Variants in ANKRD17 observed in about 807,000 individuals in gnomAD.
ANKRD17 encodes ankyrin repeat domain 17.
A neutral mutation model predicts 229.7 loss-of-function variants in ANKRD17; 19 were observed. That is an observed-to-expected ratio of 0.08 (90% CI 0.06 to 0.12). ANKRD17 has a LOEUF of 0.12. Ranked by LOEUF, ANKRD17 falls within the 10% of genes least tolerant of loss-of-function variation. The pLI, the probability that ANKRD17 is intolerant of heterozygous loss-of-function variation, is 1.00. For missense variants in ANKRD17, 2,176 were observed against 3,176.8 expected, an observed-to-expected ratio of 0.68 and a Z score of 7.57; for synonymous variants, 1,112 against 1,146.1, an observed-to-expected ratio of 0.97 and a Z score of 0.60.
At chr4:73,253,998 ATAAAT>A (rs1276517543) in intron 1 of ANKRD17, among the ~76,000 whole-genome samples, 4 of 152,232 alleles carry the variant, frequency 2.6e-5, no homozygotes, top group African/African-American at 4.8e-5. Context: ...AGAAGACAAG[ATAAAT>A]TATAATTAAG....
chr4:73,108,417 A>G (rs1046991894), intron 24 of ANKRD17, among the ~76,000 whole-genome samples: 2 of 152,208 alleles, frequency 1.3e-5, no homozygotes, highest in African/African-American at 2.4e-5. Context: ...GGGGCAGGAT[A>G]AGACCACCAG....
At chr4:73,203,498 C>T (rs1165969546) in intron 1 of ANKRD17, among the ~76,000 whole-genome samples, 1 of 152,156 alleles carries the variant, frequency 6.6e-6, no homozygotes, top group African/African-American at 2.4e-5. Context: ...TGGCTCACAC[C>T]TGTAATCCCA....
intron 1 of ANKRD17, among the ~76,000 whole-genome samples, chr4:73,203,030 C>T (rs1738883665): frequency 6.6e-6 from 1 of 151,026 alleles, no homozygotes; most frequent in Non-Finnish European, 1.5e-5. Context: ...TGATCTGTCA[C>T]AGTTAATTTA....
chr4:73,191,953 A>G (rs1452154771), intron 1 of ANKRD17, among the ~76,000 whole-genome samples: 1 of 152,102 alleles, frequency 6.6e-6, no homozygotes, highest in African/African-American at 2.4e-5. Flanking sequence ...AACAGGAAAG[A>G]CTATAAATAA....
At chr4:73,209,023 T>C (rs562303199) in intron 1 of ANKRD17, among the ~76,000 whole-genome samples, 151 of 152,166 alleles carry the variant, frequency 9.9e-4, no homozygotes, top group Non-Finnish European at 1.8e-3. Flanking sequence ...ATGGTCAACA[T>C]GGCGAAACTC....
intron 1 of ANKRD17, among the ~76,000 whole-genome samples, chr4:73,222,311 A>G (rs1021621646): frequency 2.0e-5 from 3 of 152,220 alleles, no homozygotes; most frequent in African/African-American, 7.2e-5. Context: ...ATAGGATCTT[A>G]TAAAATTTTT....
rs941102333 is a variant in ANKRD17, at chr4:73,091,687, G to C, written c.5941C>G (p.Pro1981Ala). 6.2e-7 allele frequency: 1 copy of C among 1,614,196 alleles called. No homozygotes were observed. The highest frequency in any genetic ancestry group is 8.5e-7 in the Non-Finnish European group (1 of 1,180,026). ...TTTSSSASTV[P>A]GTSTNGSPSS... ...GGACTGCCATTTGTAGATGTACCAG[G>C]CACCGTTGAAGCTGATGAACTGGTT... The change falls in exon 29 of 34, where the codon CCT (proline) becomes GCT (alanine). Residue 1981 changes from proline to alanine, a missense_variant. Pro to Ala is a conservative substitution (Grantham distance 27). Transcript: ENST00000358602.
chr4:73,097,525 C>T (rs527238108), intron 26 of ANKRD17, among the ~76,000 whole-genome samples: 51 of 151,178 alleles, frequency 3.4e-4, no homozygotes, highest in Non-Finnish European at 4.7e-4. Context: ...GCCTTGAGCT[C>T]TCGGGTTCAG....
intron 16 of ANKRD17, among the ~76,000 whole-genome samples, chr4:73,128,526 G>C (rs1294015928): frequency 6.6e-6 from 1 of 152,084 alleles, no homozygotes; most frequent in Non-Finnish European, 1.5e-5. Flanking sequence ...TCAGTAAAAT[G>C]TTTTTTCCAA....
chr4:73,088,108 T>C (rs1722389462), intron 29 of ANKRD17, among the ~76,000 whole-genome samples: 1 of 152,204 alleles, frequency 6.6e-6, no homozygotes, highest in Admixed American at 6.5e-5. Context: ...TAGATCTTTA[T>C]GTGACTTAAA....
At chr4:73,099,074 G>A (rs1723634979) in intron 25 of ANKRD17, 2 of 913,276 alleles carry the variant, frequency 2.2e-6, no homozygotes, top group South Asian at 2.6e-5. Flanking sequence ...GAAACCAAGG[G>A]GCAGACCCAA....
chr4:73,223,201 T>G (rs1742090583), intron 1 of ANKRD17: 1 of 518,018 alleles, frequency 1.9e-6, no homozygotes, highest in Admixed American at 4.0e-5. Context: ...ACTCACTGTG[T>G]ATTTTTTAAA....
Position 73,090,731 on chromosome 4 carries a change from C to T in ANKRD17, c.6897G>A (p.Gln2299=). The change falls in exon 29 of 34, where the codon CAG becomes CAA. Residue 2299 remains glutamine (Q), a synonymous_variant. Coordinates refer to ENST00000358602, the MANE Select transcript of ANKRD17 (RefSeq NM_032217.5). The part of the protein sequence containing the change: ...SYLPNSDPLH[Q]SDTSKAPGFR... ...AACCTGGAGCTTTGGAAGTATCAGACTGATGTAAAGGATCTGAATTTGGCA... is the reference window on the plus strand; with the variant it reads ...AACCTGGAGCTTTGGAAGTATCAGATTGATGTAAAGGATCTGAATTTGGCA... The T allele has an allele frequency of 6.2e-7, 1 of 1,614,170 alleles. No individual in the cohort carries two copies. Among genetic ancestry groups the T allele is most frequent in the Non-Finnish European group, 8.5e-7 (1 of 1,180,024 alleles).
At chr4:73,160,759 A>C (rs564635003) in intron 3 of ANKRD17, among the ~76,000 whole-genome samples, 66 of 152,346 alleles carry the variant, frequency 4.3e-4, no homozygotes, top group African/African-American at 1.4e-3. Flanking sequence ...GAAAGCAAAT[A>C]AATAAATAAA....
intron 16 of ANKRD17, among the ~76,000 whole-genome samples, chr4:73,131,042 G>T (rs1330041141): frequency 6.6e-6 from 1 of 152,118 alleles, no homozygotes; most frequent in East Asian, 1.9e-4. Flanking sequence ...TCAGAGCAAT[G>T]CTATCAAAAG....
intron 22 of ANKRD17, among the ~76,000 whole-genome samples, chr4:73,116,285 T>C (rs1334189868): frequency 1.3e-5 from 2 of 152,168 alleles, no homozygotes; most frequent in Non-Finnish European, 2.9e-5. Flanking sequence ...GTTTCAATTC[T>C]AAGGATTAAA....
Position 73,118,848 on chromosome 4 carries a change from C to T in ANKRD17, c.4028G>A (p.Gly1343Glu), listed in dbSNP as rs1726319656. ...CTTGTTACGTACATCAATATGAGCT[C>T]CCCTAAAAACCAATGACACAGATAG... is the stretch of plus-strand genomic sequence containing the variant. ...YKFCELLIGR[G>E]AHIDVRNKKG... Residue 1343 changes from glycine to glutamate, a missense_variant and splice_region_variant, in exon 22 of 34, where the codon GGA (glycine) becomes GAA (glutamate). By Grantham distance (98) the Gly-to-Glu change is moderately conservative. Coordinates refer to ENST00000358602, the MANE Select transcript of ANKRD17 (RefSeq NM_032217.5). The T allele has an allele frequency of 1.9e-6, 3 of 1,610,770 alleles. No individual in the cohort carries two copies. The highest frequency in any genetic ancestry group is 2.5e-6 in the Non-Finnish European group (3 of 1,178,994).
intron 6 of ANKRD17, among the ~76,000 whole-genome samples, chr4:73,153,299 CTTT>C (rs5859362): frequency 1.3e-5 from 2 of 152,058 alleles, no homozygotes; most frequent in Non-Finnish European, 1.5e-5. Flanking sequence ...AATTGTATGA[CTTT>C]TTTTAATAAA....
At chr4:73,086,709 C>T (rs1022845989) in intron 29 of ANKRD17, among the ~76,000 whole-genome samples, 4 of 150,616 alleles carry the variant, frequency 2.7e-5, no homozygotes, top group African/African-American at 9.8e-5. Context: ...TTGCCTCAGC[C>T]TCCTGAGTAT....
Sources: allele counts gnomAD v4.1 joint callset (sites outside exome capture counted in the v4.1 genomes callset), GRCh38; gene constraint gnomAD v4.1.1; transcripts MANE v1.5; gene names NCBI Gene and HGNC (gene_info 2026-07-23, HGNC 2026-07-21).